VWA3B: variants seen among roughly 807,000 people sequenced by gnomAD.
VWA3B encodes the protein von Willebrand factor A domain containing 3B.
VWA3B carries 138 observed loss-of-function variants against 158.3 expected under a neutral mutation model. The ratio of observed to expected loss-of-function variants is 0.87; its 90% CI spans 0.76 to 1.00. VWA3B has a LOEUF of 1.00. Among genes scored for constraint, VWA3B ranks in the 50% least tolerant of loss-of-function variants. The pLI is 0.00. For missense variants in VWA3B, 1,555 were observed against 1,565.1 expected, an observed-to-expected ratio of 0.99 and a Z score of 0.11; for synonymous variants, 596 against 587.3, an observed-to-expected ratio of 1.01 and a Z score of -0.21.
intron 1 of VWA3B, among the ~76,000 whole-genome samples, chr2:98,087,949 A>G (rs1681979652): frequency 6.6e-6 from 1 of 152,148 alleles, no homozygotes; most frequent in South Asian, 2.1e-4. Flanking sequence ...AAAGCACTCC[A>G]ATTATTCTCA....
intron 20 of VWA3B, among the ~76,000 whole-genome samples, chr2:98,254,498 C>T (rs1686989138): frequency 6.6e-6 from 1 of 152,198 alleles, no homozygotes; most frequent in Admixed American, 6.5e-5. Flanking sequence ...ACCTGAATCA[C>T]ATGATTCAAG....
chr2:98,194,226 CT>C, intron 11 of VWA3B, 134 bp from the exon 12 acceptor site: 1 of 753,298 alleles, frequency 1.3e-6, no homozygotes, highest in East Asian at 2.8e-5. Flanking sequence ...AGGATATTCT[CT>C]ATTGAATATA....
chr2:98,225,705 CAA>C (rs748819147), intron 14 of VWA3B, among the ~76,000 whole-genome samples: 3 of 105,636 alleles, frequency 2.8e-5, no homozygotes, highest in Non-Finnish European at 5.6e-5. Context: ...AGGAGATCTA[CAA>C]AAAAAAAAAA....
In VWA3B at chr2:98,230,192, A is replaced by G. The variant is rs1163492237; in HGVS notation, c.2293A>G (p.Lys765Glu). ...TTCAGATCAAAAGGTTCAGAAAAAG[A>G]AAGTCCTTCACGCAGGTATCAGTGA... is the stretch of plus-strand genomic sequence containing the variant. Reference protein sequence around the residue: ...GLSDQKVQKKKVLHAESTKTS... With the variant: ...GLSDQKVQKKEVLHAESTKTS... Residue 765 changes from lysine (K) to glutamate (E), a missense_variant, in exon 16 of 28, where the codon AAA becomes GAA. By Grantham distance (56) the Lys-to-Glu change is moderately conservative (BLOSUM62 1). Transcript: ENST00000477737. 7.0e-6 allele frequency: 11 copies of G among 1,580,902 alleles called. No homozygotes were observed. In the Admixed American group the frequency reaches 2.2e-4, roughly 32 times the overall value.
At position 98,234,870 on chromosome 2, in the gene VWA3B, A is replaced by G. The variant is rs1574156201; in HGVS notation, c.2428+103A>G. The G allele has an allele frequency of 2.7e-6, 4 of 1,487,728 alleles. No homozygotes were observed. The East Asian group carries it at 9.6e-5, about 36-fold the overall frequency. The allele number at this position is 1,487,728 out of a possible 1,614,324, so 92.2% of individuals were successfully genotyped here. ...ATATGTTGGGGAAATCATATTTTAAATGGGCCCAGATTGCTTCCTATTCAA... is the reference window on the plus strand; with the variant it reads ...ATATGTTGGGGAAATCATATTTTAAGTGGGCCCAGATTGCTTCCTATTCAA... On this transcript the variant is annotated intron_variant, in intron 17 of 27. Coordinates refer to ENST00000477737, the MANE Select transcript of VWA3B (RefSeq NM_144992.5).
At position 98,236,706 on chromosome 2, in the gene VWA3B, T is replaced by G; in HGVS notation, c.2649T>G (p.His883Gln). The part of the protein sequence containing the change: ...SSTYVPVLDK[H>Q]VVSKVFDEVF... ...CCTATGTTCCCGTCCTGGACAAGCA[T>G]GTCGTGTCTAAGGTCTTTGATGAGG... The change falls in exon 19 of 28, where the codon CAT becomes CAG. Residue 883 changes from histidine to glutamine, a missense_variant. Transcript: ENST00000477737. The G allele has an allele frequency of 6.2e-7, 1 of 1,614,168 alleles. No individual in the cohort carries two copies. The highest frequency in any genetic ancestry group is 8.5e-7 in the Non-Finnish European group (1 of 1,180,024).
intron 3 of VWA3B, 126 bp from the exon 4 acceptor site, chr2:98,119,387 A>T (rs1422377570): frequency 3.8e-6 from 4 of 1,060,590 alleles, no homozygotes; most frequent in Non-Finnish European, 5.3e-6. Context: ...TTTCTCCTGG[A>T]TTCTGTAGTG....
intron 25 of VWA3B, among the ~76,000 whole-genome samples, chr2:98,301,785 C>T (rs1165933045): frequency 6.6e-6 from 1 of 152,088 alleles, no homozygotes; most frequent in African/African-American, 2.4e-5. Context: ...ATATATGCAG[C>T]CAATAGTTTT....
intron 14 of VWA3B, among the ~76,000 whole-genome samples, chr2:98,221,504 C>T (rs539145641): frequency 1.3e-5 from 2 of 152,180 alleles, no homozygotes; most frequent in Non-Finnish European, 1.5e-5. Flanking sequence ...TGACTGTGCT[C>T]TGATCCCCCT....
At chr2:98,286,380 G>A (rs923992210) in intron 22 of VWA3B, among the ~76,000 whole-genome samples, 2 of 152,014 alleles carry the variant, frequency 1.3e-5, no homozygotes, top group African/African-American at 4.8e-5. Flanking sequence ...TCTAAATTAG[G>A]TATCATGTTT....
intron 23 of VWA3B, among the ~76,000 whole-genome samples, chr2:98,293,418 T>G (rs1689614224): frequency 6.6e-6 from 1 of 152,230 alleles, no homozygotes. Flanking sequence ...GTTATCTCCA[T>G]GAACCTAGTT....
chr2:98,093,109 C>T lies in VWA3B; in HGVS notation c.17C>T (p.Pro6Leu), dbSNP rs747879948. The change falls in exon 2 of 28, where the codon CCA becomes CTA. Residue 6 changes from proline to leucine, a missense_variant. By Grantham distance (98) the Pro-to-Leu change is moderately conservative. Coordinates refer to ENST00000477737, the MANE Select transcript of VWA3B (RefSeq NM_144992.5). MEKSG[P>L]SSTISEQQLQ... ...GATTCAGAGATGGAGAAATCAGGCC[C>T]ATCTTCTACCATCTCTGAGCAGCAG... 22 of 1,613,568 alleles carry T rather than the reference C, an allele frequency of 1.4e-5. No homozygotes were observed. The East Asian group carries it at 4.7e-4, about 34-fold the overall frequency.
chr2:98,124,783 G>T (rs1306563427), intron 5 of VWA3B, among the ~76,000 whole-genome samples: 1 of 152,214 alleles, frequency 6.6e-6, no homozygotes, highest in Admixed American at 6.5e-5. Flanking sequence ...AGTCAGAGTA[G>T]AAGCACACAC....
chr2:98,166,278 A>G (rs778189976), intron 8 of VWA3B, among the ~76,000 whole-genome samples: 1 of 152,214 alleles, frequency 6.6e-6, no homozygotes, highest in Non-Finnish European at 1.5e-5. Context: ...TGGAGGTGGC[A>G]GTGAGCAGAG....
intron 7 of VWA3B, among the ~76,000 whole-genome samples, chr2:98,160,982 A>G (rs1024860797): frequency 9.2e-5 from 14 of 152,190 alleles, no homozygotes; most frequent in Non-Finnish European, 1.5e-5. Context: ...ATATTTTAAA[A>G]TTCAGAAACA....
chr2:98,153,059 C>T lies in VWA3B; in HGVS notation c.989-9792C>T, dbSNP rs114490046. On this transcript the variant is annotated intron_variant, in intron 7 of 27. Transcript: ENST00000477737. ...TTCACTTCTAGGCCTACCCCACCCACGACAGGCGTCACTAATCTGTCCATC... is the reference window on the plus strand; with the variant it reads ...TTCACTTCTAGGCCTACCCCACCCATGACAGGCGTCACTAATCTGTCCATC... 9.6e-3 allele frequency among the ~76,000 whole-genome samples: 1,460 copies of T among 152,318 alleles called. 30 individuals carry two copies. Among genetic ancestry groups the T allele is most frequent in the African/African-American group, 0.034 (1,413 of 41,562 alleles).
In VWA3B at chr2:98,270,915, C is replaced by T. The variant is rs201415747; in HGVS notation, c.3045+32C>T. 482 of 1,603,278 alleles carry T rather than the reference C, an allele frequency of 3.0e-4. No individual in the cohort carries two copies. The African/African-American group carries it at 5.8e-3, about 19-fold the overall frequency. On this transcript the variant is annotated intron_variant, in intron 22 of 27. Transcript: ENST00000477737. The stretch of plus-strand genomic sequence containing the variant: ...GCCCTGGAGGTCTCTGTCTTTCCTC[C>T]CTCTCTGCCTATCCCAAGTCATTGC...
At chr2:98,275,495 A>G (rs1158022895) in intron 22 of VWA3B, among the ~76,000 whole-genome samples, 2 of 152,230 alleles carry the variant, frequency 1.3e-5, no homozygotes, top group African/African-American at 4.8e-5. Flanking sequence ...GCAGAAACTC[A>G]GCTTAGAAGG....
chr2:98,225,329 A>G (rs1266858737), intron 14 of VWA3B, among the ~76,000 whole-genome samples: 4 of 152,260 alleles, frequency 2.6e-5, no homozygotes, highest in Non-Finnish European at 2.9e-5. Context: ...ATAATCCAGC[A>G]TATCAACAGG....
Sources: gnomAD v4.1 joint callset for allele counts (sites outside exome capture counted in the v4.1 genomes callset) on GRCh38, gnomAD v4.1.1 for gene constraint, MANE v1.5 for transcripts, NCBI Gene and HGNC (gene_info 2026-07-23, HGNC 2026-07-21) for gene names.